The following ANKRD52 variants were observed in gnomAD, a reference collection of about 807,000 sequenced individuals.
ANKRD52 encodes the protein ankyrin repeat domain 52.
A neutral mutation model predicts 116.0 loss-of-function variants in ANKRD52; 7 were observed. The ratio of observed to expected loss-of-function variants is 0.06; its 90% confidence interval spans 0.03 to 0.11. The LOEUF (loss-of-function observed/expected upper bound fraction) is 0.11, where lower values mean the gene tolerates loss of function less well. Ranked by LOEUF, ANKRD52 falls within the 10% of genes least tolerant of loss-of-function variation. The pLI, the probability that ANKRD52 is intolerant of heterozygous loss-of-function variation, is 1.00. For missense variants in ANKRD52, 839 were observed against 1,408.6 expected (o/e 0.60, Z 6.47); for synonymous variants, 528 against 578.1 (o/e 0.91, Z 1.24).
chr12:56,238,061 T>G lies in ANKRD52; in HGVS notation c.*5081A>C. 3.8e-6 allele frequency: 1 copy of G among 264,642 alleles called. No homozygotes were observed. Among genetic ancestry groups the G allele is most frequent in the Admixed American group, 5.0e-5 (1 of 20,164 alleles). The allele number at this position is 264,642 out of a possible 1,614,324, so 16.4% of individuals were successfully genotyped here. A position where few individuals can be genotyped will look rare whatever the true frequency, so the allele number is the denominator to read the frequency against. On this transcript the variant is annotated 3_prime_UTR_variant, in exon 28 of 28. Transcript: ENST00000267116. ...CTTTTTCCTGCTGCCCTCGGCACCC[T>G]GGGGATGCAGGCATCTGGGCACATC...
Position 56,255,959 on chromosome 12 carries a change from T to C in ANKRD52, c.287A>G (p.His96Arg). Residue 96 changes from histidine to arginine, a missense_variant, in exon 5 of 28, where the codon CAT (histidine) becomes CGT (arginine). By Grantham distance (29) the His-to-Arg change is conservative. Transcript: ENST00000267116. The surrounding 1 kb of genome is among the most constrained non-coding windows in gnomAD (Gnocchi z 4.3). The stretch of plus-strand genomic sequence containing the variant: ...GTCCCGGGCATTCACATCTGCTGAA[T>C]GTGCCAGCAGCAGCCCCAGCACCTT... The part of the protein sequence containing the change: ...NEKVLGLLLA[H>R]SADVNARDKL... The C allele has an allele frequency of 6.4e-7, 1 of 1,574,406 alleles. No individual in the cohort carries two copies. The highest frequency in any genetic ancestry group is 1.3e-5 in the African/African-American group (1 of 74,182).
In ANKRD52 at chr12:56,254,301, T is replaced by A. The variant is rs769012289; in HGVS notation, c.694-22A>T. 11 of 1,607,940 alleles carry A rather than the reference T, an allele frequency of 6.8e-6. No homozygotes were observed. In the South Asian group the frequency reaches 1.1e-4, roughly 16 times the overall value. On this transcript the variant is annotated intron_variant, in intron 7 of 27. Coordinates refer to ENST00000267116, the MANE Select transcript of ANKRD52 (RefSeq NM_173595.4). This position sits in a 1 kb window ranked among gnomAD's most constrained non-coding sequence, Gnocchi z 4.6. ...CGATCTGGATATTCAGGGGTGAGAGTAAGGTGGTATCAGTTTAAACAAAGT... is the reference window on the plus strand; with the variant it reads ...CGATCTGGATATTCAGGGGTGAGAGAAAGGTGGTATCAGTTTAAACAAAGT...
chr12:56,247,051 A>G (rs1871442749), intron 20 of ANKRD52, among the ~76,000 whole-genome samples: 1 of 150,562 alleles, frequency 6.6e-6, no homozygotes, highest in African/African-American at 2.4e-5. Context: ...GCTCAATAAA[A>G]TCCTGGGCAC....
At position 56,253,680 on chromosome 12, in the gene ANKRD52, G is replaced by C. The variant is rs538270241; in HGVS notation, c.985+42C>G. The stretch of plus-strand genomic sequence containing the variant: ...CTAGATTCTAGAAATGAGTTCCTTG[G>C]GGGAGGAGGGGATGAGAGCACAAAG... On this transcript the variant is annotated intron_variant, in intron 9 of 27. Transcript: ENST00000267116. This position sits in a 1 kb window ranked among gnomAD's most constrained non-coding sequence, Gnocchi z 5.5. The C allele has an allele frequency of 1.8e-4, 291 of 1,587,962 alleles. 3 individuals carry two copies. The South Asian group carries it at 3.0e-3, about 16-fold the overall frequency.
In ANKRD52 at chr12:56,254,935, G is replaced by C; in HGVS notation, c.480C>G (p.Leu160=). 1 of 1,613,210 alleles carries C rather than the reference G, an allele frequency of 6.2e-7. No individual in the cohort carries two copies. The highest frequency in any genetic ancestry group is 8.5e-7 in the Non-Finnish European group (1 of 1,179,238). ...AGACATTCAGGCTGGCTCCCTTGTT[G>C]AGGAGCAGGTTCACCGTCTGCATCA... is the stretch of plus-strand genomic sequence containing the variant. ...SGHLETVNLL[L]NKGASLNVCD... Residue 160 remains leucine, a synonymous_variant, in exon 6 of 28, where the codon CTC becomes CTG. Transcript: ENST00000267116. The surrounding 1 kb of genome is among the most constrained non-coding windows in gnomAD (Gnocchi z 4.6).
chr12:56,251,896 G>T, intron 15 of ANKRD52, 119 bp downstream of exon 15: 1 of 1,114,114 alleles, frequency 9.0e-7, no homozygotes, highest in Non-Finnish European at 1.3e-6. Context: ...CACACTGCTG[G>T]CTGACCGGCA....
intron 20 of ANKRD52, 112 bp from the exon 21 acceptor site, chr12:56,245,708 CTTT>C (rs918818332): frequency 0.04 from 15,261 of 385,560 alleles, no homozygotes; most frequent in South Asian, 0.049. Context: ...CAATCCTTGT[CTTT>C]TTTTTTTTTT....
intron 4 of ANKRD52, among the ~76,000 whole-genome samples, chr12:56,256,459 T>C (rs534550172): frequency 2.0e-5 from 3 of 152,324 alleles, no homozygotes; most frequent in East Asian, 1.9e-4. Context: ...CGAGCTAAAA[T>C]GCCCCTCCTA....
rs1214703207 is a variant in ANKRD52, at chr12:56,242,983, T to G, written c.*159A>C. ...CCAGACCCCTGCCAGGCCAAGATGG[T>G]GTGGCAAAGGGGTGAGCAGCTGCTC... is the stretch of plus-strand genomic sequence containing the variant. On this transcript the variant is annotated 3_prime_UTR_variant, in exon 28 of 28. Coordinates refer to ENST00000267116, the MANE Select transcript of ANKRD52 (RefSeq NM_173595.4). This position sits in a 1 kb window ranked among gnomAD's most constrained non-coding sequence, Gnocchi z 4.3. 4.6e-6 allele frequency: 5 copies of G among 1,080,046 alleles called. No homozygotes were observed. The highest frequency in any genetic ancestry group is 6.4e-6 in the Non-Finnish European group (5 of 778,896). The allele number at this position is 1,080,046 out of a possible 1,614,324, so 66.9% of individuals were successfully genotyped here.
Position 56,244,867 on chromosome 12 carries a change from G to A in ANKRD52, c.2576+39C>T. The stretch of plus-strand genomic sequence containing the variant: ...CTGCCCAAGCAGAAAGGGGAAGCCA[G>A]AGGCAACTGGGATTCTTCCCAAGTC... On this transcript the variant is annotated intron_variant, in intron 23 of 27. Transcript: ENST00000267116. This position sits in a 1 kb window ranked among gnomAD's most constrained non-coding sequence, Gnocchi z 4.9. The A allele has an allele frequency of 1.2e-6, 2 of 1,613,980 alleles. No individual in the cohort carries two copies. The highest frequency in any genetic ancestry group is 1.7e-6 in the Non-Finnish European group (2 of 1,179,868).
chr12:56,244,231 C>T lies in ANKRD52; in HGVS notation c.2806-98G>A. ...GAGTAACAGGAGGACAAACAGCTGCCCAACCAGTCGGATAGGCTGGACAAT... is the reference window on the plus strand; with the variant it reads ...GAGTAACAGGAGGACAAACAGCTGCTCAACCAGTCGGATAGGCTGGACAAT... On this transcript the variant is annotated intron_variant, in intron 25 of 27. Coordinates refer to ENST00000267116, the MANE Select transcript of ANKRD52 (RefSeq NM_173595.4). This position sits in a 1 kb window ranked among gnomAD's most constrained non-coding sequence, Gnocchi z 4.9. The T allele has an allele frequency of 3.3e-6, 5 of 1,536,798 alleles. No homozygotes were observed. The highest frequency in any genetic ancestry group is 4.5e-6 in the Non-Finnish European group (5 of 1,113,012).
At chr12:56,246,333 TACA>T (rs1412317529) in intron 20 of ANKRD52, among the ~76,000 whole-genome samples, 2 of 152,064 alleles carry the variant, frequency 1.3e-5, no homozygotes, top group African/African-American at 4.8e-5. Context: ...CCCGGCCCTT[TACA>T]ACAACAATTC....
In ANKRD52 at chr12:56,238,418, C is replaced by T. The variant is rs1047071250; in HGVS notation, c.*4724G>A. 9 of 152,332 alleles carry T rather than the reference C, an allele frequency of 5.9e-5. No individual in the cohort carries two copies. The highest frequency in any genetic ancestry group is 1.2e-4 in the African/African-American group (5 of 41,440). The allele number at this position is 152,332 out of a possible 1,614,324, so 9.4% of individuals were successfully genotyped here. A position where few individuals can be genotyped will look rare whatever the true frequency, so the allele number is the denominator to read the frequency against. On this transcript the variant is annotated 3_prime_UTR_variant, in exon 28 of 28. Coordinates refer to ENST00000267116, the MANE Select transcript of ANKRD52 (RefSeq NM_173595.4). ...ATAGATGCCCACAGCGGGTACCAGA[C>T]GGAGAACACCCCTGAATATACATAG...
Position 56,255,700 on chromosome 12 carries a change from T to C in ANKRD52, c.462+84A>G. On this transcript the variant is annotated intron_variant, in intron 5 of 27. Coordinates refer to ENST00000267116, the MANE Select transcript of ANKRD52 (RefSeq NM_173595.4). The surrounding 1 kb of genome is among the most constrained non-coding windows in gnomAD (Gnocchi z 4.3). ...ATCCGGGCTGCTTCTCCTTCAGGCT[T>C]GAGGGCCCAGAAGCAGGGAAACGTG... 2 of 1,346,706 alleles carry C rather than the reference T, an allele frequency of 1.5e-6. No homozygotes were observed. Among genetic ancestry groups the C allele is most frequent in the Non-Finnish European group, 2.0e-6 (2 of 979,540 alleles). 83.4% of individuals were successfully genotyped at this position (1,346,706 alleles called of 1,614,324 possible).
Position 56,254,118 on chromosome 12 carries a change from G to A in ANKRD52, c.855C>T (p.Gly285=), listed in dbSNP as rs751750022. 1.6e-5 allele frequency: 26 copies of A among 1,613,542 alleles called. No homozygotes were observed. The highest frequency in any genetic ancestry group is 3.3e-4 in the Middle Eastern group (2 of 6,084). ...TAACCAGTAGCTCCAAGCAGAGAGCGCCATTGGTGGAGACTGCAGCCACAT... is the reference window on the plus strand; with the variant it reads ...TAACCAGTAGCTCCAAGCAGAGAGCACCATTGGTGGAGACTGCAGCCACAT... ...PLHVAAVSTN[G]ALCLELLVNN... The change falls in exon 8 of 28, where the codon GGC becomes GGT. Residue 285 remains glycine (G), a synonymous_variant. Transcript: ENST00000267116. This position sits in a 1 kb window ranked among gnomAD's most constrained non-coding sequence, Gnocchi z 4.6.
Position 56,248,436 on chromosome 12 carries a change from G to C in ANKRD52, c.1776+59C>G. On this transcript the variant is annotated intron_variant, in intron 17 of 27. Transcript: ENST00000267116. This position sits in a 1 kb window ranked among gnomAD's most constrained non-coding sequence, Gnocchi z 5.1. ...TAACTTCACAAGTGCTGGCACCTTT[G>C]TTAGGGCCTGGGAACAGGTAGGACA... The C allele has an allele frequency of 6.5e-7, 1 of 1,531,546 alleles. No individual in the cohort carries two copies. Among genetic ancestry groups the C allele is most frequent in the African/African-American group, 1.4e-5 (1 of 72,822 alleles). The allele number at this position is 1,531,546 out of a possible 1,614,324, so 94.9% of individuals were successfully genotyped here.
At position 56,253,911 on chromosome 12, in the gene ANKRD52, G is replaced by A; in HGVS notation, c.907-111C>T. 1 of 1,362,506 alleles carries A rather than the reference G, an allele frequency of 7.3e-7. No homozygotes were observed. The highest frequency in any genetic ancestry group is 1.0e-6 in the Non-Finnish European group (1 of 972,612). 84.4% of individuals were successfully genotyped at this position (1,362,506 alleles called of 1,614,324 possible). ...TCTCTAAGGACAAAAGGGTCATATG[G>A]CACCTTCTTAGCCCACTCTTTCCTG... On this transcript the variant is annotated intron_variant, in intron 8 of 27. Coordinates refer to ENST00000267116, the MANE Select transcript of ANKRD52 (RefSeq NM_173595.4). This position sits in a 1 kb window ranked among gnomAD's most constrained non-coding sequence, Gnocchi z 5.5.
chr12:56,246,495 A>C (rs1871405083), intron 20 of ANKRD52, among the ~76,000 whole-genome samples: 1 of 152,172 alleles, frequency 6.6e-6, no homozygotes, highest in South Asian at 2.1e-4. Flanking sequence ...ATCTTATGGG[A>C]GGAGGAGGCA....
chr12:56,254,660 C>A lies in ANKRD52; in HGVS notation c.611G>T (p.Arg204Leu), dbSNP rs781728330. 6.2e-7 allele frequency: 1 copy of A among 1,613,702 alleles called. No individual in the cohort carries two copies. The stretch of plus-strand genomic sequence containing the variant: ...TGTATGGAGCAGCCCATAGCCCTTG[C>A]GGTCCTTGCAGCCGAGGTCTGCTCC... ...ARGADLGCKD[R>L]KGYGLLHTAA... The change falls in exon 7 of 28, where the codon CGC becomes CTC. Residue 204 changes from arginine (R) to leucine (L), a missense_variant. Around this residue, in one of 2 missense-constraint regions of ANKRD52, gnomAD observed 287 missense variants for 598.1 expected, o/e 0.48. Coordinates refer to ENST00000267116, the MANE Select transcript of ANKRD52 (RefSeq NM_173595.4). This position sits in a 1 kb window ranked among gnomAD's most constrained non-coding sequence, Gnocchi z 4.6.
Sources: gnomAD v4.1 joint callset for allele counts (sites outside exome capture counted in the v4.1 genomes callset) on GRCh38, gnomAD v4.1.1 for gene constraint, gnomAD v4.1.1 regional missense constraint, Gnocchi (gnomAD v3.1) non-coding constraint, MANE v1.5 for transcripts, NCBI Gene and HGNC (gene_info 2026-07-23, HGNC 2026-07-21) for gene names.